Variants in ACOX3 observed in about 807,000 individuals in gnomAD.
ACOX3 encodes acyl-CoA oxidase 3, pristanoyl, also known as peroxisomal acyl-coenzyme A oxidase 3.
A neutral mutation model predicts 81.5 loss-of-function variants in ACOX3; 73 were observed. The ratio of observed to expected loss-of-function variants is 0.90; its 90% confidence interval spans 0.74 to 1.09. The LOEUF is 1.09. Among genes scored for constraint, ACOX3 ranks in the 50% least tolerant of loss-of-function variants. The pLI is 0.00. For missense variants in ACOX3, 947 were observed against 928.0 expected (o/e 1.02, Z -0.27); for synonymous variants, 387 against 375.1 (o/e 1.03, Z -0.37).
intron 17 of ACOX3, among the ~76,000 whole-genome samples, chr4:8,369,828 G>A (rs1039422506): frequency 3.3e-5 from 5 of 152,230 alleles, no homozygotes; most frequent in Admixed American, 3.3e-4. Flanking sequence ...TAACTCAGTT[G>A]CGGGGCCAGG....
At chr4:8,359,692 C>A in the ACOX3 span, among the ~76,000 whole-genome samples, 25 of 152,176 alleles carry the variant, frequency 1.6e-4, no homozygotes, top group Non-Finnish European at 3.1e-4. This position sits in a 1 kb window ranked among gnomAD's most constrained non-coding sequence, Gnocchi z 6.0. Context: ...TCATGACTGA[C>A]AAGCAGCCAC....
In ACOX3 at chr4:8,415,766, C is replaced by T. The variant is rs762750111; in HGVS notation, c.378G>A (p.Leu126=). Reference sequence around the variant, plus strand: ...CCTCTCCCCTAGGCCGCATGCTCACCAAGCTATGGAGGAGGTACTTGGCAG... The same window carrying T: ...CCTCTCCCCTAGGCCGCATGCTCACTAAGCTATGGAGGAGGTACTTGGCAG... ...SLAAKYLLHS[L]VFGSAVYSSG... The change falls in exon 3 of 18, where the codon TTG becomes TTA. Residue 126 remains leucine, a splice_region_variant and synonymous_variant. Coordinates refer to ENST00000356406, the MANE Select transcript of ACOX3 (RefSeq NM_003501.3). 3.7e-6 allele frequency: 6 copies of T among 1,613,576 alleles called. No individual in the cohort carries two copies. The highest frequency in any genetic ancestry group is 4.2e-6 in the Non-Finnish European group (5 of 1,179,772).
chr4:8,374,949 G>T (rs1716733094), intron 15 of ACOX3, 29 bp downstream of exon 15: 1 of 1,476,052 alleles, frequency 6.8e-7, no homozygotes, highest in South Asian at 1.3e-5. Context: ...CTCTGGGGAG[G>T]ACAGCAAGCC....
chr4:8,434,342 C>T (rs754463082), intron 1 of ACOX3, among the ~76,000 whole-genome samples: 31 of 152,274 alleles, frequency 2.0e-4, no homozygotes, highest in Middle Eastern at 3.4e-3. Context: ...TTCTTTAATC[C>T]GGTGTCTGAG....
chr4:8,422,902 C>T (rs1020054944), intron 1 of ACOX3, among the ~76,000 whole-genome samples: 8 of 152,166 alleles, frequency 5.3e-5, no homozygotes, highest in Non-Finnish European at 1.0e-4. Flanking sequence ...TCATCCATGC[C>T]CCTCATGTCA....
In ACOX3 at chr4:8,385,342, A is replaced by G. The variant is rs553705689; in HGVS notation, c.1538-3735T>C. Reference sequence around the variant, plus strand: ...CCTGTGACCTCACTGCTCACCTCACATGACCTCACTGTGCACTCCACGTGA... The same window carrying G: ...CCTGTGACCTCACTGCTCACCTCACGTGACCTCACTGTGCACTCCACGTGA... On this transcript the variant is annotated intron_variant, in intron 13 of 17. Coordinates refer to ENST00000356406, the MANE Select transcript of ACOX3 (RefSeq NM_003501.3). The surrounding 1 kb of genome is among the most constrained non-coding windows in gnomAD (Gnocchi z 5.5). 6.6e-6 allele frequency among the ~76,000 whole-genome samples: 1 copy of G among 151,452 alleles called. No individual in the cohort carries two copies. Among genetic ancestry groups the G allele is most frequent in the Non-Finnish European group, 1.5e-5 (1 of 67,870 alleles).
At chr4:8,401,147 C>T (rs951646330) in intron 7 of ACOX3, among the ~76,000 whole-genome samples, 9 of 152,056 alleles carry the variant, frequency 5.9e-5, no homozygotes, top group African/African-American at 2.2e-4. Flanking sequence ...GGAGGCGGAG[C>T]TCAGGCAGTC....
intron 1 of ACOX3, among the ~76,000 whole-genome samples, chr4:8,433,212 C>G (rs567297806): frequency 9.8e-5 from 15 of 152,372 alleles, no homozygotes; most frequent in African/African-American, 3.6e-4. Flanking sequence ...CACCATTCTC[C>G]TGACACGCTC....
rs555108728 is a variant in ACOX3, at chr4:8,370,714, C to A, written c.1983+194G>T. On this transcript the variant is annotated intron_variant, in intron 17 of 17. Transcript: ENST00000356406. The surrounding 1 kb of genome is among the most constrained non-coding windows in gnomAD (Gnocchi z 6.3). ...AGGCAGGGGATGGGCAAGTCCCCTG[C>A]AACCACAGAGCCAGCATGGGGAAGC... Among the ~76,000 whole-genome samples the A allele has an allele frequency of 6.6e-5, 10 of 152,236 alleles. No homozygotes were observed. The South Asian group carries it at 1.9e-3, about 28-fold the overall frequency.
chr4:8,365,089 C>T (rs960823396), downstream of ACOX3, among the ~76,000 whole-genome samples: 1 of 152,228 alleles, frequency 6.6e-6, no homozygotes, highest in Non-Finnish European at 1.5e-5. Flanking sequence ...TGGAAATCTG[C>T]ATGACCCCAG....
chr4:8,366,054 G>A (rs757357440), downstream of ACOX3, among the ~76,000 whole-genome samples: 3 of 152,200 alleles, frequency 2.0e-5, no homozygotes, highest in Non-Finnish European at 4.4e-5. Flanking sequence ...GAGCTGATCA[G>A]AGGTTAAGAA....
In ACOX3 at chr4:8,394,970, G is replaced by T. The variant is rs574816863; in HGVS notation, c.1057-228C>A. 2.2e-6 allele frequency: 1 copy of T among 447,306 alleles called. No homozygotes were observed. Among genetic ancestry groups the T allele is most frequent in the South Asian group, 2.7e-5 (1 of 36,500 alleles). 27.7% of individuals were successfully genotyped at this position (447,306 alleles called of 1,614,324 possible). A position where few individuals can be genotyped will look rare whatever the true frequency, so the allele number is the denominator to read the frequency against. On this transcript the variant is annotated intron_variant, in intron 9 of 17. Transcript: ENST00000356406. The surrounding 1 kb of genome is among the most constrained non-coding windows in gnomAD (Gnocchi z 5.9). ...TAGCCCTTGACAGACAAGCTCAAACGCAATTCGCTAAATGGCCGCTATTCA... is the reference window on the plus strand; with the variant it reads ...TAGCCCTTGACAGACAAGCTCAAACTCAATTCGCTAAATGGCCGCTATTCA...
intron 11 of ACOX3, among the ~76,000 whole-genome samples, chr4:8,390,593 C>G (rs558547191): frequency 6.6e-6 from 1 of 152,362 alleles, no homozygotes; most frequent in African/African-American, 2.4e-5. Flanking sequence ...TCTTTCCTAT[C>G]AGTTAGCTGG....
chr4:8,382,196 G>C lies in ACOX3; in HGVS notation c.1538-589C>G, dbSNP rs535430183. ...TTCCACAAAGCTCAAAAGGGCAGGA[G>C]GGAGCAGATGTTGCAGACAGGGAGG... is the stretch of plus-strand genomic sequence containing the variant. On this transcript the variant is annotated intron_variant, in intron 13 of 17. Coordinates refer to ENST00000356406, the MANE Select transcript of ACOX3 (RefSeq NM_003501.3). This position sits in a 1 kb window ranked among gnomAD's most constrained non-coding sequence, Gnocchi z 4.1. 7.9e-5 allele frequency among the ~76,000 whole-genome samples: 12 copies of C among 152,328 alleles called. 1 individual carries two copies. The highest frequency in any genetic ancestry group is 2.6e-4 in the African/African-American group (11 of 41,578).
At position 8,432,878 on chromosome 4, in the gene ACOX3, T is replaced by C. The variant is rs1456980481; in HGVS notation, c.-15+7770A>G. Among the ~76,000 whole-genome samples, 1 of 152,232 alleles carries C rather than the reference T, an allele frequency of 6.6e-6. No homozygotes were observed. The highest frequency in any genetic ancestry group is 6.5e-5 in the Admixed American group (1 of 15,286). On this transcript the variant is annotated intron_variant, in intron 1 of 17. Transcript: ENST00000356406. This position sits in a 1 kb window ranked among gnomAD's most constrained non-coding sequence, Gnocchi z 6.2. ...TAGCCCCTAGCCTCATGTGGCTACT[T>C]AAATGTGCAGCAGTTAAATACATTC...
At chr4:8,435,257 G>A (rs1186370287) in intron 1 of ACOX3, among the ~76,000 whole-genome samples, 2 of 152,190 alleles carry the variant, frequency 1.3e-5, no homozygotes, top group Non-Finnish European at 2.9e-5. Flanking sequence ...TTGGGAGGCC[G>A]AGGCGGGCAG....
At chr4:8,393,133 A>AAGG (rs1553843303) in intron 10 of ACOX3, 1 of 142,224 alleles carries the variant, frequency 7.0e-6, no homozygotes, top group East Asian at 2.0e-4. Context: ...CTTTTTTTTA[A>AAGG]GGGGAAAAAA....
intron 14 of ACOX3, among the ~76,000 whole-genome samples, chr4:8,378,547 C>CGGGG (rs1717252532): frequency 6.6e-6 from 1 of 151,218 alleles, no homozygotes; most frequent in African/African-American, 2.4e-5. Context: ...AAGCAGGCTG[C>CGGGG]AGGGACGCCA....
At chr4:8,356,527 A>T in the ACOX3 span, 5 of 450,042 alleles carry the variant, frequency 1.1e-5, no homozygotes, top group Non-Finnish European at 2.3e-5. Flanking sequence ...GTGGAAAAAG[A>T]TGTCCACAGA....
Sources: gnomAD v4.1 joint callset for allele counts (sites outside exome capture counted in the v4.1 genomes callset) on GRCh38, gnomAD v4.1.1 for gene constraint, Gnocchi (gnomAD v3.1) non-coding constraint, MANE v1.5 for transcripts, NCBI Gene and HGNC (gene_info 2026-07-23, HGNC 2026-07-21) for gene names.